KIDINS220: variants seen among roughly 807,000 people sequenced by gnomAD.
KIDINS220 encodes kinase D-interacting substrate of 220 kDa.
A neutral mutation model predicts 157.6 loss-of-function variants in KIDINS220; 63 were observed. That is an observed-to-expected ratio of 0.40 (90% CI 0.33 to 0.49). The LOEUF is 0.49. KIDINS220 is among the 20% of genes least tolerant of loss of function. The probability of loss-of-function intolerance (pLI) is 0.66; values close to 1 mark genes in which losing one functional copy is unlikely to be tolerated. For missense variants in KIDINS220, 1,772 were observed against 2,171.2 expected, an observed-to-expected ratio of 0.82 and a Z score of 3.65; for synonymous variants, 732 against 783.6, an observed-to-expected ratio of 0.93 and a Z score of 1.10.
intron 2 of KIDINS220, 31 bp from the exon 3 acceptor site, chr2:8,818,824 T>C (rs191055672): frequency 2.3e-5 from 29 of 1,251,668 alleles, no homozygotes; most frequent in East Asian, 1.4e-4. Flanking sequence ...AGGGAACTTA[T>C]CAAGTTACTG....
intron 1 of KIDINS220, among the ~76,000 whole-genome samples, chr2:8,834,229 T>C (rs1444446410): frequency 6.6e-6 from 1 of 152,110 alleles, no homozygotes; most frequent in East Asian, 1.9e-4. Flanking sequence ...ACAACCATTC[T>C]GTGCTCAAAA....
At chr2:8,824,002 A>G (rs963269836) in intron 2 of KIDINS220, among the ~76,000 whole-genome samples, 23 of 152,076 alleles carry the variant, frequency 1.5e-4, no homozygotes, top group African/African-American at 5.5e-4. Context: ...GCTTACACAG[A>G]TTATAATTTG....
chr2:8,814,098 AAAAG>A (rs372126593), intron 4 of KIDINS220, among the ~76,000 whole-genome samples: 4 of 152,324 alleles, frequency 2.6e-5, no homozygotes, highest in African/African-American at 9.6e-5. Flanking sequence ...ACCTCTTGCT[AAAAG>A]AGAGAGGATG....
chr2:8,788,914 G>C, intron 14 of KIDINS220, 102 bp from the exon 15 acceptor site: 1 of 969,768 alleles, frequency 1.0e-6, no homozygotes, highest in Non-Finnish European at 1.6e-6. Flanking sequence ...AGCTTACATA[G>C]CTTCCTATGG....
chr2:8,752,786 A>G (rs769872844), intron 22 of KIDINS220, among the ~76,000 whole-genome samples: 2 of 152,220 alleles, frequency 1.3e-5, no homozygotes, highest in East Asian at 1.9e-4. Flanking sequence ...CTTACTATAT[A>G]TGTATATACG....
chr2:8,790,962 A>G, intron 13 of KIDINS220, 98 bp downstream of exon 13: 1 of 1,094,102 alleles, frequency 9.1e-7, no homozygotes. Context: ...CATAACACAC[A>G]TGCTTATACA....
chr2:8,815,366 A>G lies in KIDINS220; in HGVS notation c.307-2031T>C, dbSNP rs570523847. The stretch of plus-strand genomic sequence containing the variant: ...TACCGAGCTGAGATCGTGCCATTGC[A>G]CTCCAGCCTGGGTGACAGAGACCCT... On this transcript the variant is annotated intron_variant, in intron 4 of 29. Coordinates refer to ENST00000256707, the MANE Select transcript of KIDINS220 (RefSeq NM_020738.4). Among the ~76,000 whole-genome samples the G allele has an allele frequency of 4.8e-5, 7 of 146,062 alleles. No individual in the cohort carries two copies. In the East Asian group the frequency reaches 1.4e-3, roughly 29 times the overall value.
chr2:8,757,798 A>C, intron 22 of KIDINS220: 2 of 1,593,300 alleles, frequency 1.3e-6, no homozygotes, highest in Non-Finnish European at 1.7e-6. Context: ...CTGTGTTTGA[A>C]TAATAACATC....
intron 6 of KIDINS220, among the ~76,000 whole-genome samples, chr2:8,808,114 A>C (rs1572741790): frequency 6.6e-6 from 1 of 150,580 alleles, no homozygotes; most frequent in Non-Finnish European, 1.5e-5. Context: ...ACAGAGCAAG[A>C]CTCTGTCTCA....
intron 22 of KIDINS220, among the ~76,000 whole-genome samples, 190 bp downstream of exon 22, chr2:8,770,480 A>AT (rs368761251): frequency 1.6e-3 from 249 of 152,258 alleles, no homozygotes; most frequent in African/African-American, 5.7e-3. Flanking sequence ...AAAGTCATAG[A>AT]TTTTACATGA....
intron 21 of KIDINS220, among the ~76,000 whole-genome samples, chr2:8,773,526 G>A (rs892704004): frequency 2.4e-4 from 37 of 151,284 alleles, no homozygotes; most frequent in African/African-American, 7.0e-4. Flanking sequence ...AGGCTGGAGC[G>A]CAGTGGCACA....
At chr2:8,816,683 A>T (rs1226761726) in intron 4 of KIDINS220, among the ~76,000 whole-genome samples, 2 of 152,064 alleles carry the variant, frequency 1.3e-5, no homozygotes, top group Non-Finnish European at 2.9e-5. Flanking sequence ...CAAGAACCAC[A>T]TTTCACTCTC....
At chr2:8,809,964 T>A (rs905108886) in intron 6 of KIDINS220, among the ~76,000 whole-genome samples, 1 of 152,110 alleles carries the variant, frequency 6.6e-6, no homozygotes, top group African/African-American at 2.4e-5. Context: ...TAGCTCCACC[T>A]GCAGCCCAGC....
At chr2:8,796,716 AG>A in intron 11 of KIDINS220, 54 bp downstream of exon 11, 1 of 1,279,704 alleles carries the variant, frequency 7.8e-7, no homozygotes, top group Non-Finnish European at 1.1e-6. Flanking sequence ...CTCCATATAG[AG>A]GTCAGTCGAC....
intron 4 of KIDINS220, among the ~76,000 whole-genome samples, chr2:8,816,873 A>C (rs1677155905): frequency 6.6e-6 from 1 of 152,242 alleles, no homozygotes; most frequent in South Asian, 2.1e-4. Flanking sequence ...ATATAAGATT[A>C]TACAGGTTGA....
At chr2:8,807,090 C>T (rs541466981) in intron 6 of KIDINS220, among the ~76,000 whole-genome samples, 2 of 152,240 alleles carry the variant, frequency 1.3e-5, no homozygotes, top group South Asian at 4.2e-4. Flanking sequence ...TGATCCTTAT[C>T]GTAAGAACAA....
intron 11 of KIDINS220, among the ~76,000 whole-genome samples, chr2:8,794,983 A>G (rs1040437786): frequency 6.6e-6 from 1 of 152,240 alleles, no homozygotes; most frequent in African/African-American, 2.4e-5. Flanking sequence ...TAAAGATGTA[A>G]GACAAAATAG....
chr2:8,831,878 C>T (rs1679673001), intron 1 of KIDINS220, among the ~76,000 whole-genome samples: 1 of 152,220 alleles, frequency 6.6e-6, no homozygotes, highest in Non-Finnish European at 1.5e-5. Context: ...AATAAGACTA[C>T]TCTGGAATCA....
rs371707456 is a variant in KIDINS220, at chr2:8,733,594, G to A, written c.3903C>T (p.His1301=). ...GGGAAGCGCGGCGAGCAGGCTCACC[G>A]TGCGGGGCTGGGCCACTGCTGCTCT... ...LSESSSGPAP[H]GEPARRASHN... The change falls in exon 29 of 30, where the codon CAC becomes CAT. Residue 1301 remains histidine, a synonymous_variant. Coordinates refer to ENST00000256707, the MANE Select transcript of KIDINS220 (RefSeq NM_020738.4). The A allele has an allele frequency of 5.6e-6, 9 of 1,613,958 alleles. No homozygotes were observed. The highest frequency in any genetic ancestry group is 1.6e-4 in the Middle Eastern group (1 of 6,082).
Sources: gnomAD v4.1 joint callset for allele counts (sites outside exome capture counted in the v4.1 genomes callset) on GRCh38, gnomAD v4.1.1 for gene constraint, MANE v1.5 for transcripts, NCBI Gene and HGNC (gene_info 2026-07-23, HGNC 2026-07-21) for gene names.